Variants in NTM observed in about 807,000 individuals in gnomAD.
NTM encodes neurotrimin, also known as IgLON family member 2.
Under a neutral mutation model 42.1 loss-of-function variants are expected in NTM, and 13 were observed. That is an observed-to-expected ratio of 0.31 (90% CI 0.20 to 0.49). The LOEUF (loss-of-function observed/expected upper bound fraction) is 0.49. NTM is among the 20% of genes least tolerant of loss of function. The pLI is 0.99. For synonymous variants in NTM, 187 were observed against 179.2 expected (o/e 1.04, Z -0.35); for missense variants, 373 against 452.8 (o/e 0.82, Z 1.60).
chr11:131,930,221 G>A (rs191404127), intron 2 of NTM, among the ~76,000 whole-genome samples: 23 of 152,224 alleles, frequency 1.5e-4, no homozygotes, highest in Non-Finnish European at 3.1e-4. Context: ...ACTCTTTACT[G>A]TTGTCACCAA....
At chr11:132,245,269 G>T (rs1185562591) in intron 4 of NTM, among the ~76,000 whole-genome samples, 3 of 152,096 alleles carry the variant, frequency 2.0e-5, no homozygotes, top group Non-Finnish European at 4.4e-5. Context: ...CTGTCCAGGC[G>T]GGGGAGAGGT....
intron 1 of NTM, among the ~76,000 whole-genome samples, chr11:131,474,048 T>G (rs1484645173): frequency 6.6e-6 from 1 of 152,160 alleles, no homozygotes; most frequent in East Asian, 1.9e-4. Flanking sequence ...ACACCCCCAC[T>G]GTCTTCACCT....
intron 3 of NTM, among the ~76,000 whole-genome samples, chr11:132,179,735 T>C (rs1418276899): frequency 6.6e-6 from 1 of 152,144 alleles, no homozygotes; most frequent in East Asian, 1.9e-4. Context: ...GCCTTGATGA[T>C]GCAGGAGATA....
chr11:132,208,352 C>T (rs971836706), intron 3 of NTM, among the ~76,000 whole-genome samples: 1 of 152,186 alleles, frequency 6.6e-6, no homozygotes, highest in Non-Finnish European at 1.5e-5. Context: ...GGATTGCTCC[C>T]CTAGTCAAAC....
rs7927609 is a variant in NTM at position 131,890,865 on chromosome 11, G to A, written c.83-20699G>A. Among the ~76,000 whole-genome samples, 1,030 of 152,302 alleles carry A rather than the reference G, an allele frequency of 6.8e-3. 18 individuals carry two copies. Among genetic ancestry groups the A allele is most frequent in the African/African-American group, 0.024 (989 of 41,554 alleles). ...CTCTGGCAGAACCACTTTTGACAGT[G>A]GGATGGCAGGTCTAGGGGATTTGTC... On this transcript the variant is annotated intron_variant, in intron 1 of 8. Coordinates refer to ENST00000683400, the MANE Select transcript of NTM (RefSeq NM_001352005.2).
At chr11:131,700,226 C>T (rs2075937665) in intron 1 of NTM, among the ~76,000 whole-genome samples, 1 of 152,136 alleles carries the variant, frequency 6.6e-6, no homozygotes, top group Admixed American at 6.5e-5. Flanking sequence ...GCCAGAGATT[C>T]AATGCCTTAT....
intron 2 of NTM, among the ~76,000 whole-genome samples, chr11:132,001,809 A>G (rs935377140): frequency 6.6e-6 from 1 of 150,548 alleles, no homozygotes; most frequent in African/African-American, 2.5e-5. Context: ...CATACACACA[A>G]TCGGTCAACA....
chr11:132,301,389 G>A (rs1392793925), intron 4 of NTM, among the ~76,000 whole-genome samples: 1 of 152,142 alleles, frequency 6.6e-6, no homozygotes, highest in Non-Finnish European at 1.5e-5. Context: ...TTTGGGTAGG[G>A]ACACAGCCAA....
rs938765818 is a variant in NTM, at chr11:132,191,921, C to G, written c.401-20101C>G. On this transcript the variant is annotated intron_variant, in intron 3 of 8. Coordinates refer to ENST00000683400, the MANE Select transcript of NTM (RefSeq NM_001352005.2). ...ATAGATCAAGCTGAGGAAAGAATATCAGAGCTTGAAGATCACTCCTTTGAA... is the reference window on the plus strand; with the variant it reads ...ATAGATCAAGCTGAGGAAAGAATATGAGAGCTTGAAGATCACTCCTTTGAA... Among the ~76,000 whole-genome samples the G allele has an allele frequency of 2.4e-4, 36 of 152,108 alleles. 1 individual carries two copies. Among genetic ancestry groups the G allele is most frequent in the Admixed American group, 1.8e-3 (27 of 15,272 alleles).
At chr11:132,303,610 AG>A (rs1408839904) in intron 4 of NTM, among the ~76,000 whole-genome samples, 1 of 151,568 alleles carries the variant, frequency 6.6e-6, no homozygotes, top group Admixed American at 6.6e-5. Context: ...CTTTTTTGGG[AG>A]GACACAATTG....
chr11:131,534,352 G>GAC (rs916491488), intron 1 of NTM: 4 of 152,068 alleles, frequency 2.6e-5, no homozygotes, highest in African/African-American at 7.3e-5. Flanking sequence ...CATCAGACCA[G>GAC]ACACACATGC....
intron 3 of NTM, among the ~76,000 whole-genome samples, chr11:132,184,728 T>A (rs917071737): frequency 6.6e-6 from 1 of 152,196 alleles, no homozygotes; most frequent in Non-Finnish European, 1.5e-5. Flanking sequence ...TTATTTGTAA[T>A]TACACAAGAT....
At chr11:131,747,775 T>G (rs140104487) in intron 1 of NTM, among the ~76,000 whole-genome samples, 51 of 152,238 alleles carry the variant, frequency 3.4e-4, no homozygotes, top group African/African-American at 1.2e-3. Flanking sequence ...TCCTGAAAGC[T>G]CCATGCAATT....
At chr11:132,070,118 G>T (rs1311346559) in intron 2 of NTM, among the ~76,000 whole-genome samples, 4 of 136,208 alleles carry the variant, frequency 2.9e-5, no homozygotes, top group South Asian at 2.4e-4. Context: ...ACCGTCACAG[G>T]TTAGTTAACA....
intron 1 of NTM, among the ~76,000 whole-genome samples, chr11:131,455,155 C>A (rs144123670): frequency 1.8e-4 from 28 of 152,338 alleles, no homozygotes; most frequent in African/African-American, 6.5e-4. Flanking sequence ...CCAGTAAAAG[C>A]ATCAGGTGCT....
At chr11:132,017,915 C>T (rs1345694394) in intron 2 of NTM, among the ~76,000 whole-genome samples, 3 of 151,832 alleles carry the variant, frequency 2.0e-5, no homozygotes, top group Admixed American at 6.6e-5. Flanking sequence ...ATTTCATGTT[C>T]GGCTTGTTTA....
At chr11:132,093,761 A>G (rs1412279661) in intron 2 of NTM, among the ~76,000 whole-genome samples, 1 of 152,170 alleles carries the variant, frequency 6.6e-6, no homozygotes, top group Non-Finnish European at 1.5e-5. Context: ...GACAGTGACT[A>G]TTTCACAATT....
intron 1 of NTM, among the ~76,000 whole-genome samples, chr11:131,647,973 C>T (rs1452268854): frequency 6.6e-6 from 1 of 152,070 alleles, no homozygotes; most frequent in African/African-American, 2.4e-5. Flanking sequence ...GCCTAGTACC[C>T]AATAGTTATT....
chr11:131,549,380 T>A (rs906680006), intron 1 of NTM, among the ~76,000 whole-genome samples: 19 of 152,186 alleles, frequency 1.2e-4, no homozygotes, highest in Admixed American at 2.6e-4. Context: ...AAATTTTTTT[T>A]AATTTTTGAA....
Sources: allele counts gnomAD v4.1 joint callset (sites outside exome capture counted in the v4.1 genomes callset), GRCh38; gene constraint gnomAD v4.1.1; transcripts MANE v1.5; gene names NCBI Gene and HGNC (gene_info 2026-07-23, HGNC 2026-07-21).